PIERCE2: variants seen among roughly 807,000 people sequenced by gnomAD.
PIERCE2 encodes piercer of microtubule wall 2 protein.
the PIERCE2 span, among the ~76,000 whole-genome samples, chr15:55,411,875 T>C: frequency 6.6e-6 from 1 of 151,874 alleles, no homozygotes; most frequent in African/African-American, 2.4e-5. Flanking sequence ...GAGCTGAGAT[T>C]GCACCATTGC....
chr15:55,411,576 A>G, the PIERCE2 span, among the ~76,000 whole-genome samples: 13 of 152,220 alleles, frequency 8.5e-5, no homozygotes, highest in African/African-American at 2.4e-4. Context: ...ACTTGAGGTC[A>G]GGAGTCCAAA....
chr15:55,413,920 C>T, the PIERCE2 span, among the ~76,000 whole-genome samples: 26 of 146,372 alleles, frequency 1.8e-4, no homozygotes, highest in Non-Finnish European at 3.2e-4. Flanking sequence ...TTTTTTGAGA[C>T]GGAGTCTCGC....
At chr15:55,418,704 A>T in the PIERCE2 span, 9 of 629,132 alleles carry the variant, frequency 1.4e-5, no homozygotes, top group Middle Eastern at 2.6e-3. Context: ...AAAGTATTTC[A>T]ACTGATAACT....
At chr15:55,415,437 C>T in the PIERCE2 span, among the ~76,000 whole-genome samples, 16 of 130,256 alleles carry the variant, frequency 1.2e-4, no homozygotes, top group East Asian at 4.4e-4. Flanking sequence ...GCCTGGGGGA[C>T]GAGAGTGAAA....
chr15:55,414,835 GC>G, the PIERCE2 span, among the ~76,000 whole-genome samples: 1 of 152,062 alleles, frequency 6.6e-6, no homozygotes, highest in South Asian at 2.1e-4. Context: ...CCGAGATGGC[GC>G]CACTACACTC....
chr15:55,418,482 C>G, the PIERCE2 span: 1 of 1,527,902 alleles, frequency 6.5e-7, no homozygotes, highest in Non-Finnish European at 8.8e-7. Context: ...CATATCAGAG[C>G]AACTGGATTT....
chr15:55,408,867 C>A, the PIERCE2 span: 1 of 985,358 alleles, frequency 1.0e-6, no homozygotes, highest in Non-Finnish European at 1.5e-6. Flanking sequence ...CTCCTACCAC[C>A]CCCAACCCCA....
chr15:55,416,149 G>C, the PIERCE2 span, among the ~76,000 whole-genome samples: 1 of 151,978 alleles, frequency 6.6e-6, no homozygotes, highest in Non-Finnish European at 1.5e-5. Flanking sequence ...CACCAGGCTG[G>C]AGTGCAGTGG....
At chr15:55,413,038 G>A in the PIERCE2 span, among the ~76,000 whole-genome samples, 6 of 152,256 alleles carry the variant, frequency 3.9e-5, no homozygotes, top group East Asian at 1.2e-3. Flanking sequence ...GGAGGCCAAG[G>A]CGGGCGGATC....
the PIERCE2 span, among the ~76,000 whole-genome samples, chr15:55,414,750 C>T: frequency 1.8e-4 from 27 of 151,958 alleles, 1 homozygote; most frequent in Admixed American, 7.2e-4. Context: ...TGGTGGCGCA[C>T]GCCTGTAATC....
chr15:55,415,608 T>A, the PIERCE2 span, among the ~76,000 whole-genome samples: 1 of 152,142 alleles, frequency 6.6e-6, no homozygotes, highest in Non-Finnish European at 1.5e-5. Context: ...GAGAGAGTCC[T>A]GATCGATTGA....
At chr15:55,413,182 G>A in the PIERCE2 span, among the ~76,000 whole-genome samples, 1 of 151,282 alleles carries the variant, frequency 6.6e-6, no homozygotes, top group Non-Finnish European at 1.5e-5. Flanking sequence ...GCAGGAGAAT[G>A]GCGTAAACCC....
chr15:55,412,742 C>G, the PIERCE2 span, among the ~76,000 whole-genome samples: 2 of 152,098 alleles, frequency 1.3e-5, no homozygotes, highest in Non-Finnish European at 2.9e-5. Context: ...ACAGCCAGTG[C>G]ACTCCAGCCT....
chr15:55,413,386 T>C, the PIERCE2 span, among the ~76,000 whole-genome samples: 1 of 152,168 alleles, frequency 6.6e-6, no homozygotes, highest in Non-Finnish European at 1.5e-5. Flanking sequence ...CGATCACTAC[T>C]GCACTCTAGC....
At chr15:55,411,804 A>T in the PIERCE2 span, among the ~76,000 whole-genome samples, 2 of 152,022 alleles carry the variant, frequency 1.3e-5, no homozygotes, top group Non-Finnish European at 2.9e-5. Context: ...GCCTGTAATC[A>T]CAGCTACTCG....
the PIERCE2 span, among the ~76,000 whole-genome samples, chr15:55,414,835 G>A: frequency 4.6e-5 from 7 of 152,180 alleles, no homozygotes; most frequent in South Asian, 6.2e-4. Flanking sequence ...CCGAGATGGC[G>A]CCACTACACT....
At chr15:55,416,088 A>T in the PIERCE2 span, among the ~76,000 whole-genome samples, 2 of 149,898 alleles carry the variant, frequency 1.3e-5, no homozygotes, top group African/African-American at 5.0e-5. Context: ...TGGTTTTTTT[A>T]AACATTGTTA....
At chr15:55,408,621 C>T in the PIERCE2 span, 4 of 589,020 alleles carry the variant, frequency 6.8e-6, 1 homozygote, top group African/African-American at 3.8e-5. Context: ...TAGGTTTACA[C>T]ATACTGATCC....
chr15:55,412,388 C>G, the PIERCE2 span, among the ~76,000 whole-genome samples: 1 of 152,084 alleles, frequency 6.6e-6, no homozygotes, highest in African/African-American at 2.4e-5. Context: ...GATTCTGCCT[C>G]AAGTTTATAA....
Sources: allele counts gnomAD v4.1 joint callset (sites outside exome capture counted in the v4.1 genomes callset), GRCh38; gene constraint gnomAD v4.1.1; transcripts MANE v1.5; gene names NCBI Gene and HGNC (gene_info 2026-07-23, HGNC 2026-07-21).